Variants in ACER3 observed in about 807,000 individuals in gnomAD.
The protein encoded by ACER3 is alkaline ceramidase 3.
Under a neutral mutation model 48.9 loss-of-function variants are expected in ACER3, and 16 were observed. The observed-to-expected ratio is 0.33, with a 90% CI of 0.22 to 0.50. The LOEUF (loss-of-function observed/expected upper bound fraction) is 0.50. Ranked by LOEUF, ACER3 falls within the 20% of genes least tolerant of loss-of-function variation. ACER3 has a pLI of 0.98. For synonymous variants in ACER3, 109 were observed against 107.8 expected (o/e 1.01, Z -0.07); for missense variants, 227 against 326.0 (o/e 0.70, Z 2.34).
chr11:77,003,403 G>A (rs1296488080), intron 7 of ACER3, among the ~76,000 whole-genome samples: 1 of 152,158 alleles, frequency 6.6e-6, no homozygotes, highest in Non-Finnish European at 1.5e-5. Flanking sequence ...GGCTTGCAGT[G>A]ATAATCTGTT....
At chr11:76,902,566 G>A (rs1404539802) in intron 1 of ACER3, among the ~76,000 whole-genome samples, 1 of 152,162 alleles carries the variant, frequency 6.6e-6, no homozygotes, top group East Asian at 1.9e-4. Context: ...TACATATGAA[G>A]CAATTAAACC....
intron 5 of ACER3, among the ~76,000 whole-genome samples, chr11:76,986,671 G>A (rs1287510936): frequency 6.6e-6 from 1 of 152,210 alleles, no homozygotes; most frequent in Non-Finnish European, 1.5e-5. Context: ...GGAACATATG[G>A]TAATTGAAGA....
intron 4 of ACER3, among the ~76,000 whole-genome samples, chr11:76,984,938 T>C (rs1948657881): frequency 6.6e-6 from 1 of 152,170 alleles, no homozygotes; most frequent in South Asian, 2.1e-4. Context: ...AGCCCCACCT[T>C]ACTAGAACTG....
intron 1 of ACER3, among the ~76,000 whole-genome samples, chr11:76,918,429 C>T (rs946506177): frequency 1.3e-5 from 2 of 152,022 alleles, no homozygotes; most frequent in Admixed American, 1.3e-4. Context: ...AGAAGACAAA[C>T]CTTCTCCCTT....
At chr11:76,937,471 A>T (rs888688127) in intron 2 of ACER3, among the ~76,000 whole-genome samples, 11 of 152,228 alleles carry the variant, frequency 7.2e-5, no homozygotes, top group Non-Finnish European at 1.3e-4. Context: ...ACTTACAAAA[A>T]TTGGTTGAAT....
chr11:76,985,655 C>A lies in ACER3; in HGVS notation c.333C>A (p.Phe111Leu). ...CIFVYCMFEC[F>L]KIKNSVNYHL... ...TCTTTTTTTCAAGGTTTGAATGTTT[C>A]AAGATCAAGAACTCAGTAAACTACC... Residue 111 changes from phenylalanine to leucine, a missense_variant, in exon 5 of 11, where the codon TTC becomes TTA. Coordinates refer to ENST00000532485, the MANE Select transcript of ACER3 (RefSeq NM_018367.7). 1 of 1,563,808 alleles carries A rather than the reference C, an allele frequency of 6.4e-7. No homozygotes were observed. Among genetic ancestry groups the A allele is most frequent in the Admixed American group, 2.1e-5 (1 of 46,722 alleles).
rs57411582 is a variant in ACER3 at position 77,005,036 on chromosome 11, CTT to C, written c.497+6233_497+6234del. Among the ~76,000 whole-genome samples the C allele has an allele frequency of 8.7e-3, 980 of 112,550 alleles. 3 individuals are homozygous for C. Among genetic ancestry groups the C allele is most frequent in the African/African-American group, 0.019 (617 of 32,312 alleles). 73.8% of individuals were successfully genotyped at this position (112,550 alleles called of 152,430 possible). A position where few individuals can be genotyped will look rare whatever the true frequency, so the allele number is the denominator to read the frequency against. Reference sequence around the variant, plus strand: ...TGCCTGTGAGTTACTTAAACTTTTTCTTTTTTTTTTTTTTTTTTTGAGACGGA... The same window carrying C: ...TGCCTGTGAGTTACTTAAACTTTTTCTTTTTTTTTTTTTTTTTGAGACGGA... On this transcript the variant is annotated intron_variant, in intron 7 of 10. Coordinates refer to ENST00000532485, the MANE Select transcript of ACER3 (RefSeq NM_018367.7).
chr11:76,891,702 A>G (rs1448509787), intron 1 of ACER3, among the ~76,000 whole-genome samples: 2 of 152,136 alleles, frequency 1.3e-5, no homozygotes, highest in Non-Finnish European at 2.9e-5. Flanking sequence ...CCAATTAGAT[A>G]GCTTCAGAAT....
intron 1 of ACER3, among the ~76,000 whole-genome samples, chr11:76,896,172 CT>C (rs1418457010): frequency 6.6e-6 from 1 of 152,106 alleles, no homozygotes; most frequent in African/African-American, 2.4e-5. Context: ...AACTTCTTTG[CT>C]GTTTGGATAT....
At chr11:76,958,887 C>G in intron 2 of ACER3, 92 bp from the exon 3 acceptor site, 10 of 1,393,148 alleles carry the variant, frequency 7.2e-6, no homozygotes, top group Non-Finnish European at 9.1e-6. Context: ...TTATCCTTAA[C>G]TCAATGCTTT....
intron 9 of ACER3, among the ~76,000 whole-genome samples, chr11:77,018,279 T>G (rs1018801578): frequency 6.6e-6 from 1 of 152,146 alleles, no homozygotes; most frequent in African/African-American, 2.4e-5. Flanking sequence ...GTAATTGTTT[T>G]GAGGCACCAC....
At chr11:76,994,137 T>C (rs1293564263) in intron 6 of ACER3, 1 of 20,032 alleles carries the variant, frequency 5.0e-5, no homozygotes, top group Admixed American at 2.5e-4. Context: ...TTAAACTTTC[T>C]TTTTTTTTTT....
At chr11:76,889,135 C>T (rs1034115644) in intron 1 of ACER3, among the ~76,000 whole-genome samples, 1 of 152,198 alleles carries the variant, frequency 6.6e-6, no homozygotes, top group African/African-American at 2.4e-5. Flanking sequence ...CTTGTGTGGT[C>T]CAAGGCCTCA....
At position 77,022,868 on chromosome 11, in the gene ACER3, CAAAAAAAAAA is replaced by C. The variant is rs10565723; in HGVS notation, c.*2556_*2565del. 3 of 281,676 alleles carry C rather than the reference CAAAAAAAAAA, an allele frequency of 1.1e-5. No homozygotes were observed. The highest frequency in any genetic ancestry group is 5.7e-5 in the East Asian group (1 of 17,406). 17.4% of individuals were successfully genotyped at this position (281,676 alleles called of 1,614,324 possible). A position where few individuals can be genotyped will look rare whatever the true frequency, so the allele number is the denominator to read the frequency against. The stretch of plus-strand genomic sequence containing the variant: ...ATGGTGGCAGAGCGAGACTCCGTCT[CAAAAAAAAAA>C]AAAAAAAAAAAAAAGAAAAGAAAAG... On this transcript the variant is annotated 3_prime_UTR_variant, in exon 11 of 11. Coordinates refer to ENST00000532485, the MANE Select transcript of ACER3 (RefSeq NM_018367.7).
intron 1 of ACER3, among the ~76,000 whole-genome samples, chr11:76,895,498 T>C (rs1945905933): frequency 6.6e-6 from 1 of 152,216 alleles, no homozygotes; most frequent in African/African-American, 2.4e-5. Context: ...AGAGATATAA[T>C]AGGGCTGAGG....
At position 77,021,393 on chromosome 11, in the gene ACER3, C is replaced by T. The variant is rs1326495002; in HGVS notation, c.*1066C>T. 1 of 152,130 alleles carries T rather than the reference C, an allele frequency of 6.6e-6. No individual in the cohort carries two copies. Among genetic ancestry groups the T allele is most frequent in the African/African-American group, 2.4e-5 (1 of 41,432 alleles). 9.4% of individuals were successfully genotyped at this position (152,130 alleles called of 1,614,324 possible). A position where few individuals can be genotyped will look rare whatever the true frequency, so the allele number is the denominator to read the frequency against. ...GTAAGTTTCTGCTACTTGAAACCTA[C>T]AGAACCGACAAAAATTAGGGTGCTA... On this transcript the variant is annotated 3_prime_UTR_variant, in exon 11 of 11. Coordinates refer to ENST00000532485, the MANE Select transcript of ACER3 (RefSeq NM_018367.7).
chr11:76,927,678 C>A (rs1006247388), intron 2 of ACER3, among the ~76,000 whole-genome samples: 71 of 151,086 alleles, frequency 4.7e-4, no homozygotes, highest in African/African-American at 1.6e-3. Flanking sequence ...TCTCATTGTT[C>A]AATTCCCACC....
chr11:76,901,757 A>G (rs1946089009), intron 1 of ACER3, among the ~76,000 whole-genome samples: 2 of 152,180 alleles, frequency 1.3e-5, no homozygotes, highest in East Asian at 1.9e-4. Context: ...ACAAAACAGG[A>G]TAGGGATTTT....
chr11:76,979,441 A>G (rs943008948), intron 4 of ACER3, among the ~76,000 whole-genome samples: 7 of 152,124 alleles, frequency 4.6e-5, no homozygotes, highest in Non-Finnish European at 7.4e-5. Flanking sequence ...GTTAGGTAAG[A>G]AGATATAGAA....
Sources: allele counts gnomAD v4.1 joint callset (sites outside exome capture counted in the v4.1 genomes callset), GRCh38; gene constraint gnomAD v4.1.1; transcripts MANE v1.5; gene names NCBI Gene and HGNC (gene_info 2026-07-23, HGNC 2026-07-21).